Variants in BTRC observed in about 807,000 individuals in gnomAD.
BTRC encodes beta-transducin repeat containing E3 ubiquitin protein ligase.
BTRC carries 42 observed loss-of-function variants against 85.5 expected under a neutral mutation model. That is an observed-to-expected ratio of 0.49 (90% CI 0.38 to 0.64). The LOEUF is 0.64. Among genes scored for constraint, BTRC ranks in the 30% least tolerant of loss-of-function variants. The pLI, the probability that BTRC is intolerant of heterozygous loss-of-function variation, is 0.00. For synonymous variants in BTRC, 255 were observed against 263.3 expected (o/e 0.97, Z 0.30); for missense variants, 594 against 743.5 (o/e 0.80, Z 2.34).
intron 14 of BTRC, among the ~76,000 whole-genome samples, chr10:101,552,732 C>A (rs2062671720): frequency 6.6e-6 from 1 of 152,168 alleles, no homozygotes; most frequent in Non-Finnish European, 1.5e-5. Flanking sequence ...CTGCTGGTAC[C>A]CTGCAGCCAC....
chr10:101,546,157 C>T (rs893881964), intron 13 of BTRC, among the ~76,000 whole-genome samples: 1 of 152,206 alleles, frequency 6.6e-6, no homozygotes, highest in African/African-American at 2.4e-5. Flanking sequence ...CTTCATCCAA[C>T]AGCAGCAGAA....
At chr10:101,434,667 G>T (rs1314970530) in intron 2 of BTRC, among the ~76,000 whole-genome samples, 2 of 152,058 alleles carry the variant, frequency 1.3e-5, no homozygotes, top group Non-Finnish European at 2.9e-5. Flanking sequence ...AGCAGTGCAT[G>T]CCTGTAGTCC....
At position 101,531,342 on chromosome 10, in the gene BTRC, CTATG is replaced by C; in HGVS notation, c.840+13_840+16del. ...TTATACAAGACATTGAGGTAAGAAT[CTATG>C]TATTTTGGGGTATTGCCCAAGGGCA... is the stretch of plus-strand genomic sequence containing the variant. On this transcript the variant is annotated intron_variant, in intron 7 of 14. Transcript: ENST00000370187. 6.3e-7 allele frequency: 1 copy of C among 1,575,112 alleles called. No homozygotes were observed. Among genetic ancestry groups the C allele is most frequent in the Non-Finnish European group, 8.7e-7 (1 of 1,146,748 alleles).
At chr10:101,490,222 TC>T (rs1286169101) in intron 4 of BTRC, among the ~76,000 whole-genome samples, 3 of 151,292 alleles carry the variant, frequency 2.0e-5, no homozygotes, top group Non-Finnish European at 4.4e-5. Flanking sequence ...CCTCCCTCAC[TC>T]CCTCCTTCCC....
chr10:101,389,117 G>GTTT (rs1169198314), intron 1 of BTRC, among the ~76,000 whole-genome samples: 7 of 53,038 alleles, frequency 1.3e-4, no homozygotes, highest in East Asian at 5.6e-4. Context: ...TTTTTTGTGT[G>GTTT]TGTTTTTTTT....
intron 12 of BTRC, 44 bp from the exon 13 acceptor site, chr10:101,538,249 C>T: frequency 1.3e-6 from 2 of 1,494,382 alleles, no homozygotes; most frequent in Non-Finnish European, 1.9e-6. Context: ...CCTTCTCTTA[C>T]ATTTGCTTTT....
intron 1 of BTRC, among the ~76,000 whole-genome samples, chr10:101,413,008 T>C (rs1343492176): frequency 7.2e-5 from 11 of 152,230 alleles, no homozygotes; most frequent in Admixed American, 5.2e-4. Flanking sequence ...GAAGAAATAG[T>C]TGACCATAGG....
At chr10:101,393,854 GTTCT>G (rs1564745376) in intron 1 of BTRC, among the ~76,000 whole-genome samples, 4 of 152,176 alleles carry the variant, frequency 2.6e-5, no homozygotes, top group Admixed American at 6.5e-5. Flanking sequence ...GCAGAATTGA[GTTCT>G]TTGTCTTTTC....
At chr10:101,366,879 T>TATATATAA (rs1942421422) in intron 1 of BTRC, among the ~76,000 whole-genome samples, 4 of 23,866 alleles carry the variant, frequency 1.7e-4, no homozygotes, top group Non-Finnish European at 2.1e-4. Context: ...AATATATATT[T>TATATATAA]ATATATATTT....
At chr10:101,367,195 C>G (rs898595394) in intron 1 of BTRC, among the ~76,000 whole-genome samples, 2 of 147,416 alleles carry the variant, frequency 1.4e-5, no homozygotes, top group Non-Finnish European at 1.5e-5. Flanking sequence ...CTCAGCCTCC[C>G]CAGTGGCTGG....
chr10:101,475,607 A>G (rs141332429), intron 3 of BTRC, among the ~76,000 whole-genome samples: 4 of 152,110 alleles, frequency 2.6e-5, no homozygotes, highest in East Asian at 1.9e-4. Context: ...TATCTCTACT[A>G]TTTTCCCCAT....
chr10:101,406,668 G>C (rs997883662), intron 1 of BTRC, among the ~76,000 whole-genome samples: 4 of 151,360 alleles, frequency 2.6e-5, no homozygotes, highest in African/African-American at 9.7e-5. Flanking sequence ...CAAGTAGCTG[G>C]AGTTACAGGC....
intron 1 of BTRC, among the ~76,000 whole-genome samples, chr10:101,426,606 C>T (rs890679615): frequency 7.9e-5 from 12 of 152,038 alleles, no homozygotes; most frequent in Non-Finnish European, 1.3e-4. Flanking sequence ...TGTGTTAGAA[C>T]GAGTAAGTAA....
At chr10:101,378,186 C>T (rs532697774) in intron 1 of BTRC, among the ~76,000 whole-genome samples, 1 of 151,980 alleles carries the variant, frequency 6.6e-6, no homozygotes, top group Admixed American at 6.6e-5. Context: ...TATCTCTTCT[C>T]CTTTGTAGAT....
intron 3 of BTRC, among the ~76,000 whole-genome samples, chr10:101,466,017 T>C (rs1476321810): frequency 6.6e-6 from 1 of 152,228 alleles, no homozygotes; most frequent in African/African-American, 2.4e-5. Context: ...CTACCTTTTA[T>C]TCCTATCTGC....
intron 4 of BTRC, among the ~76,000 whole-genome samples, chr10:101,520,774 A>G (rs2062093002): frequency 6.6e-6 from 1 of 152,188 alleles, no homozygotes; most frequent in Non-Finnish European, 1.5e-5. Context: ...CCTGTCCAAC[A>G]TGATGAAACC....
chr10:101,550,139 G>T (rs779070066), intron 13 of BTRC, among the ~76,000 whole-genome samples: 5 of 152,076 alleles, frequency 3.3e-5, no homozygotes, highest in Non-Finnish European at 7.4e-5. Flanking sequence ...CGCCAAAAAG[G>T]GTTGGCCATG....
chr10:101,453,926 T>C (rs538189087), intron 2 of BTRC, among the ~76,000 whole-genome samples: 19 of 152,296 alleles, frequency 1.2e-4, no homozygotes, highest in Non-Finnish European at 2.6e-4. Context: ...TCCGTTGTAG[T>C]GTGAAAGCAG....
At chr10:101,373,665 C>T (rs2134553881) in intron 1 of BTRC, among the ~76,000 whole-genome samples, 1 of 152,186 alleles carries the variant, frequency 6.6e-6, no homozygotes, top group Admixed American at 6.5e-5. Flanking sequence ...CGCCTGTAAT[C>T]CCAGCACTTT....
Sources: allele counts gnomAD v4.1 joint callset (sites outside exome capture counted in the v4.1 genomes callset), GRCh38; gene constraint gnomAD v4.1.1; transcripts MANE v1.5; gene names NCBI Gene and HGNC (gene_info 2026-07-23, HGNC 2026-07-21).